PKD1L3: variants seen among roughly 807,000 people sequenced by gnomAD.
PKD1L3 encodes the protein polycystin 1 like 3, transient receptor potential channel interacting.
PKD1L3 carries 239 observed loss-of-function variants against 184.1 expected under a neutral mutation model. The observed-to-expected ratio is 1.30, with a 90% CI of 1.17 to 1.45. The LOEUF is 1.45. PKD1L3 is among the 40% of genes most tolerant of loss of function. The pLI is 0.00. For synonymous variants in PKD1L3, 996 were observed against 778.8 expected (o/e 1.28, Z -4.64); for missense variants, 2,660 against 2,067.2 (o/e 1.29, Z -5.56).
intron 11 of PKD1L3, 99 bp from the exon 12 acceptor site, chr16:71,973,616 G>C: frequency 9.0e-7 from 1 of 1,108,662 alleles, no homozygotes. Flanking sequence ...TTACAAATGA[G>C]ACCATGATGA....
At position 71,977,254 on chromosome 16, in the gene PKD1L3, C is replaced by T. The variant is rs1449827385; in HGVS notation, c.1741G>A (p.Asp581Asn). The change falls in exon 11 of 30, where the codon GAT becomes AAT. Residue 581 changes from aspartate (D) to asparagine (N), a missense_variant. Transcript: ENST00000620267. ...HFHLNITLPKDKVWQKDEEYT... is the reference protein window; with the variant it reads ...HFHLNITLPKNKVWQKDEEYT... The stretch of plus-strand genomic sequence containing the variant: ...GTTTTACCTTTTTGCCACACCTTAT[C>T]CTTTGGAAGGGTGATGTTCAGGTGG... The T allele has an allele frequency of 5.9e-6, 9 of 1,530,486 alleles. No individual in the cohort carries two copies. The highest frequency in any genetic ancestry group is 2.0e-5 in the Admixed American group (1 of 50,960). The allele number at this position is 1,530,486 out of a possible 1,614,324, so 94.8% of individuals were successfully genotyped here.
chr16:71,929,804 G>A (rs949825176), intron 29 of PKD1L3, 126 bp from the exon 30 acceptor site: 1 of 1,080,240 alleles, frequency 9.3e-7, no homozygotes, highest in Non-Finnish European at 1.3e-6. Context: ...TTAATAATTT[G>A]CAGTCAGGCA....
chr16:71,971,959 G>C (rs1204505826), intron 12 of PKD1L3, among the ~76,000 whole-genome samples: 2 of 152,164 alleles, frequency 1.3e-5, no homozygotes, highest in African/African-American at 4.8e-5. Context: ...GCTCACACCT[G>C]TAATCCCAGC....
chr16:71,967,420 T>A lies in PKD1L3; in HGVS notation c.2287-105A>T, dbSNP rs1316548248. Reference sequence around the variant, plus strand: ...GACATAGAAAACTATTTAGATCAAGTCTTTCGGATCTTAGACAAGCATAGA... The same window carrying A: ...GACATAGAAAACTATTTAGATCAAGACTTTCGGATCTTAGACAAGCATAGA... On this transcript the variant is annotated intron_variant, in intron 14 of 29. Coordinates refer to ENST00000620267, the MANE Select transcript of PKD1L3 (RefSeq NM_181536.2). 12 of 1,087,514 alleles carry A rather than the reference T, an allele frequency of 1.1e-5. No individual in the cohort carries two copies. The Admixed American group carries it at 2.0e-4, about 18-fold the overall frequency. 67.4% of individuals were successfully genotyped at this position (1,087,514 alleles called of 1,614,324 possible). A position where few individuals can be genotyped will look rare whatever the true frequency, so the allele number is the denominator to read the frequency against.
chr16:71,997,410 GA>G (rs772606926), intron 2 of PKD1L3, among the ~76,000 whole-genome samples: 3 of 120,724 alleles, frequency 2.5e-5, no homozygotes, highest in Admixed American at 9.6e-5. Context: ...AACATAACAA[GA>G]CCCCCCCCCC....
intron 5 of PKD1L3, among the ~76,000 whole-genome samples, chr16:71,984,783 C>T (rs1485820496): frequency 4.6e-5 from 7 of 152,092 alleles, no homozygotes; most frequent in Non-Finnish European, 8.8e-5. Context: ...CTCTTGAACC[C>T]GGGAGGCAGA....
rs1392374393 is a variant in PKD1L3, at chr16:71,986,255, T to C, written c.800A>G (p.Tyr267Cys). The part of the protein sequence containing the change: ...EEGHPNTFTS[Y>C]LQVSLQKASG... Reference sequence around the variant, plus strand: ...TGCCTTCTGCAATGACACTTGTAGATAAGAGGTGAAGGTATTCGGATGACC... The same window carrying C: ...TGCCTTCTGCAATGACACTTGTAGACAAGAGGTGAAGGTATTCGGATGACC... The change falls in exon 5 of 30, where the codon TAT becomes TGT. Residue 267 changes from tyrosine to cysteine, a missense_variant. Transcript: ENST00000620267. The C allele has an allele frequency of 1.9e-6, 3 of 1,552,270 alleles. No individual in the cohort carries two copies. Among genetic ancestry groups the C allele is most frequent in the African/African-American group, 1.4e-5 (1 of 73,068 alleles).
intron 5 of PKD1L3, among the ~76,000 whole-genome samples, chr16:71,985,251 C>T (rs1226216624): frequency 1.3e-5 from 2 of 152,008 alleles, no homozygotes; most frequent in African/African-American, 4.8e-5. Flanking sequence ...CAGTTTCTCC[C>T]CCAAATAGAA....
chr16:71,938,338 G>A (rs932234498), intron 24 of PKD1L3, among the ~76,000 whole-genome samples: 21 of 152,256 alleles, frequency 1.4e-4, no homozygotes, highest in African/African-American at 4.1e-4. Flanking sequence ...TGTGAGGCAG[G>A]GAGGGTAAGG....
At chr16:71,932,780 CTTTTTTTTTT>C (rs71153681) in intron 28 of PKD1L3, among the ~76,000 whole-genome samples, 16 of 97,114 alleles carry the variant, frequency 1.6e-4, no homozygotes, top group Non-Finnish European at 1.9e-4. Flanking sequence ...CGCACCTGGC[CTTTTTTTTTT>C]TTTTTTTTTT....
chr16:71,965,740 G>A (rs1337019064), intron 15 of PKD1L3, among the ~76,000 whole-genome samples: 2 of 152,028 alleles, frequency 1.3e-5, no homozygotes, highest in Non-Finnish European at 2.9e-5. Flanking sequence ...TTTTAGTAGA[G>A]ACAGGGTTTC....
At chr16:71,981,180 T>G (rs556384244) in intron 7 of PKD1L3, among the ~76,000 whole-genome samples, 1 of 152,346 alleles carries the variant, frequency 6.6e-6, no homozygotes, top group East Asian at 1.9e-4. Context: ...TAAACCATGC[T>G]GCTACAAACT....
intron 12 of PKD1L3, among the ~76,000 whole-genome samples, chr16:71,972,671 G>A (rs1325108677): frequency 6.6e-6 from 1 of 152,038 alleles, no homozygotes; most frequent in East Asian, 1.9e-4. Flanking sequence ...GGGACAGAAT[G>A]AGATCCCACC....
At chr16:71,947,355 T>C (rs1467439266) in intron 22 of PKD1L3, 137 bp downstream of exon 22, 1 of 627,220 alleles carries the variant, frequency 1.6e-6, no homozygotes, top group East Asian at 2.8e-5. Context: ...AGGGCATTAG[T>C]CTTGGGCAGA....
At position 71,967,154 on chromosome 16, in the gene PKD1L3, A is replaced by G; in HGVS notation, c.2448T>C (p.Ser816=). ...GTACTCACCAGGAGGGACTGACGCCAGAATTGTCATGCCAGAGCCGAAGGC... is the reference window on the plus strand; with the variant it reads ...GTACTCACCAGGAGGGACTGACGCCGGAATTGTCATGCCAGAGCCGAAGGC... The part of the protein sequence containing the change: ...LHSLRLWHDN[S]GVSPSWYVSQ... Residue 816 remains serine (S), a synonymous_variant, in exon 15 of 30, where the codon TCT becomes TCC. Coordinates refer to ENST00000620267, the MANE Select transcript of PKD1L3 (RefSeq NM_181536.2). 1 of 1,551,688 alleles carries G rather than the reference A, an allele frequency of 6.4e-7. No homozygotes were observed. Among genetic ancestry groups the G allele is most frequent in the South Asian group, 1.2e-5 (1 of 84,064 alleles).
intron 3 of PKD1L3, among the ~76,000 whole-genome samples, chr16:71,992,213 T>C (rs2040614754): frequency 6.6e-6 from 1 of 152,186 alleles, no homozygotes; most frequent in South Asian, 2.1e-4. Context: ...TACATAAATA[T>C]TAGGCATATT....
chr16:71,966,731 C>A (rs1337718012), intron 15 of PKD1L3, among the ~76,000 whole-genome samples: 2 of 152,078 alleles, frequency 1.3e-5, no homozygotes, highest in Non-Finnish European at 2.9e-5. Context: ...TGCGCCCTGC[C>A]CTTAAGCTCT....
At chr16:71,990,579 T>C (rs2040550252) in intron 3 of PKD1L3, among the ~76,000 whole-genome samples, 1 of 151,662 alleles carries the variant, frequency 6.6e-6, no homozygotes, top group African/African-American at 2.4e-5. Flanking sequence ...ACTAAAAACA[T>C]AATAATTAGC....
At chr16:71,944,875 T>G (rs1344907889) in intron 22 of PKD1L3, among the ~76,000 whole-genome samples, 1 of 151,764 alleles carries the variant, frequency 6.6e-6, no homozygotes, top group Non-Finnish European at 1.5e-5. Flanking sequence ...ATTTTTGTAT[T>G]TTCAGTAGAG....
Sources: allele counts gnomAD v4.1 joint callset (sites outside exome capture counted in the v4.1 genomes callset), GRCh38; gene constraint gnomAD v4.1.1; transcripts MANE v1.5; gene names NCBI Gene and HGNC (gene_info 2026-07-23, HGNC 2026-07-21).